The following PAK1 variants were observed in gnomAD, a reference collection of about 807,000 sequenced individuals.
PAK1 encodes the protein serine/threonine-protein kinase PAK 1.
A neutral mutation model predicts 67.4 loss-of-function variants in PAK1; 29 were observed. The observed-to-expected ratio is 0.43, with a 90% confidence interval of 0.32 to 0.59. PAK1 has a LOEUF of 0.59. PAK1 is among the 20% of genes least tolerant of loss of function. The probability of loss-of-function intolerance (pLI) is 0.07; values close to 1 mark genes in which losing one functional copy is unlikely to be tolerated. For missense variants in PAK1, 337 were observed against 670.7 expected (o/e 0.50, Z 5.50); for synonymous variants, 223 against 237.4 (o/e 0.94, Z 0.56).
At chr11:77,369,694 C>T (rs657269) in intron 5 of PAK1, among the ~76,000 whole-genome samples, 36,616 of 151,628 alleles carry the variant, frequency 0.24, 5,034 homozygotes, top group Non-Finnish European at 0.31. Flanking sequence ...GTGATCCACC[C>T]GCCTCAGCCT....
In PAK1 at chr11:77,392,548, T is replaced by G; in HGVS notation, c.-21-7A>C. 1 of 1,564,080 alleles carries G rather than the reference T, an allele frequency of 6.4e-7. No homozygotes were observed. Among genetic ancestry groups the G allele is most frequent in the Non-Finnish European group, 8.7e-7 (1 of 1,150,060 alleles). ...TCACCACCAGCAGCAGCTACTAGAA[T>G]CAGAAATAAGAACAATATAACTCTT... is the stretch of plus-strand genomic sequence containing the variant. On this transcript the variant is annotated splice_polypyrimidine_tract_variant and splice_region_variant and intron_variant, in intron 1 of 14. Transcript: ENST00000356341.
intron 2 of PAK1, among the ~76,000 whole-genome samples, chr11:77,383,549 T>A (rs1950104959): frequency 6.6e-6 from 1 of 152,092 alleles, no homozygotes. Context: ...GGTCTCGAAC[T>A]CCTGAACTCG....
intron 1 of PAK1, among the ~76,000 whole-genome samples, chr11:77,442,603 G>GT (rs1956403290): frequency 6.6e-6 from 1 of 152,154 alleles, no homozygotes; most frequent in Admixed American, 6.5e-5. Flanking sequence ...CAGTTTGGCT[G>GT]TAACCCCATT....
chr11:77,378,556 A>C (rs1161631867), intron 4 of PAK1, among the ~76,000 whole-genome samples: 1 of 152,116 alleles, frequency 6.6e-6, no homozygotes, highest in Non-Finnish European at 1.5e-5. Flanking sequence ...ACTTATAAAG[A>C]ACTCTCACAT....
At chr11:77,509,254 C>T in the PAK1 span, among the ~76,000 whole-genome samples, 1 of 151,654 alleles carries the variant, frequency 6.6e-6, no homozygotes, top group Non-Finnish European at 1.5e-5. Flanking sequence ...CGAGACTCCA[C>T]CTCAAAAAAA....
At chr11:77,428,065 C>G (rs552105760) in intron 1 of PAK1, among the ~76,000 whole-genome samples, 8 of 152,188 alleles carry the variant, frequency 5.3e-5, no homozygotes, top group African/African-American at 1.7e-4. Flanking sequence ...CGAAAGGTAC[C>G]TTTGGGTCAG....
chr11:77,503,499 C>T, the PAK1 span, among the ~76,000 whole-genome samples: 1 of 152,180 alleles, frequency 6.6e-6, no homozygotes, highest in Non-Finnish European at 1.5e-5. Context: ...TTATTGAGAA[C>T]CCCAAAGAAT....
Position 77,322,260 on chromosome 11 carries a change from C to T in PAK1, c.*1014G>A, listed in dbSNP as rs1335836080. ...GCCATGCATCTTAAAAACGGGGTCC[C>T]CTCACAGCTGGCAGGGTATCATGTC... On this transcript the variant is annotated 3_prime_UTR_variant, in exon 15 of 15. Transcript: ENST00000356341. The T allele has an allele frequency of 5.1e-6, 1 of 196,554 alleles. No homozygotes were observed. Among genetic ancestry groups the T allele is most frequent in the Non-Finnish European group, 1.1e-5 (1 of 94,588 alleles). 12.2% of individuals were successfully genotyped at this position (196,554 alleles called of 1,614,324 possible). A position where few individuals can be genotyped will look rare whatever the true frequency, so the allele number is the denominator to read the frequency against.
chr11:77,360,454 G>A (rs1017378000), intron 5 of PAK1, among the ~76,000 whole-genome samples: 5 of 152,188 alleles, frequency 3.3e-5, no homozygotes, highest in South Asian at 2.1e-4. Flanking sequence ...TATGTATTTC[G>A]ATATTTTTCT....
chr11:77,485,583 C>G, the PAK1 span, among the ~76,000 whole-genome samples: 1 of 152,174 alleles, frequency 6.6e-6, no homozygotes, highest in African/African-American at 2.4e-5. Context: ...TCAAGCAATT[C>G]TCCTGCCTCA....
chr11:77,443,051 C>T (rs1956427434), intron 1 of PAK1, among the ~76,000 whole-genome samples: 2 of 152,072 alleles, frequency 1.3e-5, no homozygotes. Context: ...TAGGCTGGGC[C>T]TGGTGGCTCA....
At chr11:77,480,869 G>A in the PAK1 span, among the ~76,000 whole-genome samples, 1 of 152,204 alleles carries the variant, frequency 6.6e-6, no homozygotes, top group East Asian at 1.9e-4. Context: ...CTTGCCCTCA[G>A]AATGCAAGCT....
chr11:77,401,928 C>T (rs1056113674), intron 1 of PAK1, among the ~76,000 whole-genome samples: 2 of 152,164 alleles, frequency 1.3e-5, no homozygotes, highest in African/African-American at 4.8e-5. Context: ...CTCTATATCC[C>T]TAGGCTGAGC....
chr11:77,521,602 C>A, the PAK1 span, among the ~76,000 whole-genome samples: 1 of 151,974 alleles, frequency 6.6e-6, no homozygotes, highest in African/African-American at 2.4e-5. Flanking sequence ...TAAGGTGCAG[C>A]TGTGGAATTG....
At chr11:77,424,008 G>C (rs1955422739) in intron 1 of PAK1, among the ~76,000 whole-genome samples, 1 of 152,168 alleles carries the variant, frequency 6.6e-6, no homozygotes, top group Non-Finnish European at 1.5e-5. Flanking sequence ...ACAAAATTTG[G>C]TGAAGGTTGG....
At chr11:77,324,853 A>G (rs145822001) in intron 14 of PAK1, among the ~76,000 whole-genome samples, 1 of 152,262 alleles carries the variant, frequency 6.6e-6, no homozygotes, top group Non-Finnish European at 1.5e-5. Context: ...TTTGCTGAGA[A>G]TTGCTGCAAC....
chr11:77,399,300 A>C (rs1952276843), intron 1 of PAK1, among the ~76,000 whole-genome samples: 1 of 152,252 alleles, frequency 6.6e-6, no homozygotes, highest in Non-Finnish European at 1.5e-5. Flanking sequence ...GCTGTAGAAC[A>C]GTACAAACAG....
At chr11:77,473,149 C>A (rs1957945652) in intron 1 of PAK1, among the ~76,000 whole-genome samples, 1 of 152,204 alleles carries the variant, frequency 6.6e-6, no homozygotes. Context: ...AGGAACTGGG[C>A]GCCGCTTTGC....
At chr11:77,388,740 A>G (rs1354093656) in intron 2 of PAK1, among the ~76,000 whole-genome samples, 1 of 152,216 alleles carries the variant, frequency 6.6e-6, no homozygotes, top group African/African-American at 2.4e-5. Flanking sequence ...TCTACAGAGA[A>G]ATAATTGACC....
Sources: allele counts gnomAD v4.1 joint callset (sites outside exome capture counted in the v4.1 genomes callset), GRCh38; gene constraint gnomAD v4.1.1; transcripts MANE v1.5; gene names NCBI Gene and HGNC (gene_info 2026-07-23, HGNC 2026-07-21).